Variants in MSN observed in about 807,000 individuals in gnomAD.
MSN encodes moesin, also known as epididymis luminal protein 70.
A neutral mutation model predicts 48.0 loss-of-function variants in MSN; 2 were observed. The ratio of observed to expected loss-of-function variants is 0.04; its 90% confidence interval spans 0.02 to 0.13. The LOEUF is 0.13. MSN is among the 10% of genes least tolerant of loss of function. The pLI, the probability that MSN is intolerant of heterozygous loss-of-function variation, is 1.00. For synonymous variants in MSN, 146 were observed against 166.9 expected, an observed-to-expected ratio of 0.87 and a Z score of 0.97; for missense variants, 267 against 470.1, an observed-to-expected ratio of 0.57 and a Z score of 3.99.
At chrX:65,653,411 AAT>A (rs1267270466) in intron 1 of MSN, among the ~76,000 whole-genome samples, 2 of 111,347 alleles carry the variant, frequency 1.8e-5, no homozygotes, top group Admixed American at 9.6e-5. Context: ...GTCTCTTAAA[AAT>A]AGTTAGGAAT....
chrX:65,605,364 A>G (rs980949934), intron 1 of MSN, among the ~76,000 whole-genome samples: 3 of 111,884 alleles, frequency 2.7e-5, no homozygotes, highest in East Asian at 2.8e-4. Context: ...TGCTACACTC[A>G]GAATATATCC....
chrX:65,674,496 T>G (rs2070976553), intron 1 of MSN, among the ~76,000 whole-genome samples: 1 of 111,304 alleles, frequency 9.0e-6, no homozygotes, highest in African/African-American at 3.3e-5. Flanking sequence ...TAGCAAGTTT[T>G]TCTGGGATCT....
chrX:65,627,625 G>A (rs938408275), intron 1 of MSN, among the ~76,000 whole-genome samples: 1 of 110,779 alleles, frequency 9.0e-6, no homozygotes, highest in African/African-American at 3.3e-5. Flanking sequence ...AGATTTGGGT[G>A]GGGACACAGC....
At chrX:65,662,585 T>C (rs1357213713) in intron 1 of MSN, among the ~76,000 whole-genome samples, 7 of 112,572 alleles carry the variant, frequency 6.2e-5, no homozygotes, top group African/African-American at 1.9e-4. Flanking sequence ...GCTAGCCATA[T>C]GCAGAAGAAT....
In MSN at chrX:65,714,533, G is replaced by A. The variant is rs191745004; in HGVS notation, c.13-2285G>A. ...TAGCTATTCTGACTTGTGTGAGATG[G>A]TATCTCATTGTGGTTTTGATTTGCA... On this transcript the variant is annotated intron_variant, in intron 1 of 12. Transcript: ENST00000360270. Among the ~76,000 whole-genome samples the A allele has an allele frequency of 1.3e-4, 15 of 111,389 alleles. No homozygotes were observed. The East Asian group carries it at 2.5e-3, about 19-fold the overall frequency.
At chrX:65,610,040 A>G (rs1276140146) in intron 1 of MSN, among the ~76,000 whole-genome samples, 2 of 112,198 alleles carry the variant, frequency 1.8e-5, no homozygotes, top group Non-Finnish European at 3.8e-5. Flanking sequence ...TAAGAATTAT[A>G]TTTATTGTAC....
At chrX:65,602,070 ACCC>A in intron 1 of MSN, among the ~76,000 whole-genome samples, 1 of 111,943 alleles carries the variant, frequency 8.9e-6, no homozygotes, top group African/African-American at 3.3e-5. Flanking sequence ...TCTTCCAAAG[ACCC>A]AAGTTCTAAA....
At chrX:65,729,251 TAC>T (rs2071598354) in intron 3 of MSN, among the ~76,000 whole-genome samples, 185 bp from the exon 4 acceptor site, 1 of 111,780 alleles carries the variant, frequency 8.9e-6, no homozygotes, top group African/African-American at 3.3e-5. Context: ...AGAAAGTGAT[TAC>T]AGACATGGGA....
intron 1 of MSN, among the ~76,000 whole-genome samples, chrX:65,600,305 A>G (rs753840281): frequency 1.8e-5 from 2 of 111,189 alleles, no homozygotes; most frequent in Non-Finnish European, 3.8e-5. Flanking sequence ...CTGCATATGC[A>G]TCTGTGTATG....
chrX:65,727,703 C>T, intron 2 of MSN, 111 bp from the exon 3 acceptor site: 2 of 597,223 alleles, frequency 3.3e-6, no homozygotes, highest in Non-Finnish European at 5.4e-6. Context: ...TGCTGAGCAC[C>T]TTAAACCCTT....
intron 1 of MSN, among the ~76,000 whole-genome samples, chrX:65,692,660 GT>G (rs1160914321): frequency 8.9e-6 from 1 of 111,901 alleles, no homozygotes; most frequent in African/African-American, 3.2e-5. Context: ...AACATTTTTT[GT>G]TTGTTTGTTG....
chrX:65,717,445 AT>A (rs1211308419), intron 2 of MSN, among the ~76,000 whole-genome samples: 2 of 111,958 alleles, frequency 1.8e-5, no homozygotes, highest in African/African-American at 6.5e-5. Context: ...ATGGGAGTTG[AT>A]GGATGCAGTA....
chrX:65,666,552 C>A (rs1294307900), upstream of MSN, among the ~76,000 whole-genome samples: 2 of 110,795 alleles, frequency 1.8e-5, no homozygotes, highest in African/African-American at 6.6e-5. Context: ...CTCCTGACCT[C>A]AGGTGATCAG....
At chrX:65,618,544 GT>G (rs1466948543) in intron 1 of MSN, among the ~76,000 whole-genome samples, 2 of 110,642 alleles carry the variant, frequency 1.8e-5, no homozygotes, top group Non-Finnish European at 3.8e-5. Context: ...TCCTTTTTTG[GT>G]TTTCCATTGG....
chrX:65,709,746 T>C (rs757130476), intron 1 of MSN, among the ~76,000 whole-genome samples: 1 of 113,036 alleles, frequency 8.8e-6, no homozygotes, highest in South Asian at 3.6e-4. Flanking sequence ...CATGATCTGT[T>C]CGAGACACTG....
intron 4 of MSN, among the ~76,000 whole-genome samples, chrX:65,730,798 C>T: frequency 9.0e-6 from 1 of 111,341 alleles, no homozygotes; most frequent in East Asian, 2.8e-4. Context: ...TCAGCACAAA[C>T]TCCTGACACA....
At chrX:65,647,304 C>T (rs867969201) in intron 1 of MSN, among the ~76,000 whole-genome samples, 3 of 107,877 alleles carry the variant, frequency 2.8e-5, no homozygotes, top group East Asian at 2.9e-4. Flanking sequence ...CTCCACCTCC[C>T]GGGTTCAAGC....
chrX:65,721,521 T>TC (rs397967743), intron 2 of MSN, among the ~76,000 whole-genome samples: 2 of 111,189 alleles, frequency 1.8e-5, no homozygotes, highest in African/African-American at 6.6e-5. Context: ...GTAAAGTACT[T>TC]AGGACTTGAA....
chrX:65,736,620 T>A (rs1235414821), intron 8 of MSN, among the ~76,000 whole-genome samples, 175 bp from the exon 9 acceptor site: 1 of 110,348 alleles, frequency 9.1e-6, no homozygotes, highest in Admixed American at 9.6e-5. Context: ...GTATTTTTAG[T>A]AGAGACGGGG....
Sources: allele counts gnomAD v4.1 joint callset (sites outside exome capture counted in the v4.1 genomes callset), GRCh38; gene constraint gnomAD v4.1.1; transcripts MANE v1.5; gene names NCBI Gene and HGNC (gene_info 2026-07-23, HGNC 2026-07-21).